Variants in MPHOSPH9 observed in about 807,000 individuals in gnomAD.
MPHOSPH9 encodes the protein M-phase phosphoprotein 9.
In MPHOSPH9, 88 loss-of-function variants were observed where a neutral mutation model predicts 145.5. That is an observed-to-expected ratio of 0.60 (90% confidence interval 0.51 to 0.72). The LOEUF (loss-of-function observed/expected upper bound fraction) is 0.72. Among genes scored for constraint, MPHOSPH9 ranks in the 30% least tolerant of loss-of-function variants. MPHOSPH9 has a pLI of 0.00. For synonymous variants in MPHOSPH9, 435 were observed against 486.2 expected, an observed-to-expected ratio of 0.89 and a Z score of 1.39; for missense variants, 1,238 against 1,386.6, an observed-to-expected ratio of 0.89 and a Z score of 1.70.
intron 13 of MPHOSPH9, among the ~76,000 whole-genome samples, chr12:123,183,176 T>G (rs1333566647): frequency 6.6e-6 from 1 of 151,662 alleles, no homozygotes; most frequent in Non-Finnish European, 1.5e-5. Context: ...AAACTAACAA[T>G]GAAGAAATTA....
intron 19 of MPHOSPH9, chr12:123,163,442 C>G (rs2044189963): frequency 4.0e-6 from 1 of 252,616 alleles, no homozygotes; most frequent in East Asian, 8.7e-5. Context: ...ATTCCTATAA[C>G]ACAATAATAA....
chr12:123,192,869 A>C (rs1428218797), intron 13 of MPHOSPH9, among the ~76,000 whole-genome samples: 2 of 151,390 alleles, frequency 1.3e-5, no homozygotes, highest in East Asian at 1.9e-4. Context: ...CAAGAGGTCA[A>C]GAAATCGAGA....
At chr12:123,160,512 A>C in intron 23 of MPHOSPH9, 1 of 385,688 alleles carries the variant, frequency 2.6e-6, no homozygotes, top group Non-Finnish European at 4.6e-6. Flanking sequence ...GCATATTGCC[A>C]TTTGCTCTCA....
In MPHOSPH9 at chr12:123,161,199, T is replaced by G; in HGVS notation, c.3318A>C (p.Ala1106=). Residue 1106 remains alanine, a synonymous_variant, in exon 22 of 24, where the codon GCA becomes GCC. Transcript: ENST00000606320. ...CTGTTTCAGCTAGGGTCCGAATTTT[T>G]GCTGTATATTCAAAATCATTCCCCT... is the stretch of plus-strand genomic sequence containing the variant. The part of the protein sequence containing the change: ...TPQGNDFEYT[A]KIRTLAETER... 6.2e-7 allele frequency: 1 copy of G among 1,614,198 alleles called. No homozygotes were observed. The highest frequency in any genetic ancestry group is 8.5e-7 in the Non-Finnish European group (1 of 1,180,036).
rs775578808 is a variant in MPHOSPH9, at chr12:123,176,629, G to T, written c.2456+59C>A. On this transcript the variant is annotated intron_variant, in intron 16 of 23. Coordinates refer to ENST00000606320, the MANE Select transcript of MPHOSPH9 (RefSeq NM_022782.4). ...TATGATTTAGACAGATGAGTTTCTCGTCTTAATAAAAGCATGCACCTATTT... is the reference window on the plus strand; with the variant it reads ...TATGATTTAGACAGATGAGTTTCTCTTCTTAATAAAAGCATGCACCTATTT... 7.9e-6 allele frequency: 10 copies of T among 1,273,574 alleles called. No homozygotes were observed. In the African/African-American group the frequency reaches 1.0e-4, roughly 13 times the overall value. 78.9% of individuals were successfully genotyped at this position (1,273,574 alleles called of 1,614,324 possible).
chr12:123,222,708 G>C (rs901505912), intron 4 of MPHOSPH9, among the ~76,000 whole-genome samples: 4 of 152,102 alleles, frequency 2.6e-5, no homozygotes, highest in African/African-American at 9.7e-5. Context: ...AGGCCGAGGT[G>C]GGTGGATCAC....
At chr12:123,238,831 C>T (rs1282904398) in intron 1 of MPHOSPH9, among the ~76,000 whole-genome samples, 2 of 152,108 alleles carry the variant, frequency 1.3e-5, no homozygotes, top group Non-Finnish European at 2.9e-5. Context: ...CTATGTGGAC[C>T]ACACTTTGGG....
In MPHOSPH9 at chr12:123,218,480, C is replaced by T; in HGVS notation, c.892G>A (p.Ala298Thr). 1 of 1,613,664 alleles carries T rather than the reference C, an allele frequency of 6.2e-7. No individual in the cohort carries two copies. Among genetic ancestry groups the T allele is most frequent in the Non-Finnish European group, 8.5e-7 (1 of 1,179,754 alleles). The change falls in exon 6 of 24, where the codon GCA becomes ACA. Residue 298 changes from alanine to threonine, a missense_variant. Physicochemically the swap from Ala to Thr is moderately conservative, Grantham distance 58 (BLOSUM62 0). Transcript: ENST00000606320. ...KTNSNAITSW[A>T]QKLKQNQPKR... ...GGTTGGTTCTGCTTCAGTTTTTGTG[C>T]CCATGATGTTATAGCATTACTATTT...
Position 123,214,735 on chromosome 12 carries a change from G to C in MPHOSPH9, c.1087+9C>G, listed in dbSNP as rs752245541. ...TAGGTTAAAAAAAATAAAAATGTAA[G>C]TATCATACCTGTTCCTGAATCAGAC... On this transcript the variant is annotated intron_variant, in intron 7 of 23. Transcript: ENST00000606320. 82 of 1,595,412 alleles carry C rather than the reference G, an allele frequency of 5.1e-5. No individual in the cohort carries two copies. The highest frequency in any genetic ancestry group is 6.8e-5 in the Non-Finnish European group (79 of 1,164,482).
At chr12:123,218,089 T>C (rs2047045587) in intron 6 of MPHOSPH9, among the ~76,000 whole-genome samples, 1 of 150,102 alleles carries the variant, frequency 6.7e-6, no homozygotes, top group Non-Finnish European at 1.5e-5. Flanking sequence ...CACACGACTG[T>C]ACCACCATGT....
At chr12:123,175,588 T>C (rs2044815613) in intron 16 of MPHOSPH9, among the ~76,000 whole-genome samples, 1 of 152,076 alleles carries the variant, frequency 6.6e-6, no homozygotes, top group African/African-American at 2.4e-5. Flanking sequence ...TGCTAAGCTC[T>C]TTCCTACCTG....
intron 16 of MPHOSPH9, among the ~76,000 whole-genome samples, chr12:123,175,460 A>G (rs1400249526): frequency 1.3e-5 from 2 of 152,110 alleles, no homozygotes; most frequent in Admixed American, 6.6e-5. Context: ...GCCAAGATCC[A>G]ACTCTTGATC....
At chr12:123,170,069 T>A (rs2044507123) in intron 16 of MPHOSPH9, among the ~76,000 whole-genome samples, 1 of 149,734 alleles carries the variant, frequency 6.7e-6, no homozygotes, top group Non-Finnish European at 1.5e-5. Context: ...CCTCGACCCC[T>A]CAGGCTCAAG....
At chr12:123,218,294 C>A in intron 6 of MPHOSPH9, 82 bp downstream of exon 6, 1 of 1,536,732 alleles carries the variant, frequency 6.5e-7, no homozygotes. Flanking sequence ...AGAAAGGGCA[C>A]AAGAGTTTTG....
intron 16 of MPHOSPH9, among the ~76,000 whole-genome samples, chr12:123,175,207 G>A (rs2044787707): frequency 6.6e-6 from 1 of 151,414 alleles, no homozygotes; most frequent in South Asian, 2.1e-4. Flanking sequence ...CTGGAGTGCA[G>A]TGGCGCAATC....
At chr12:123,169,236 C>T (rs1311503064) in intron 16 of MPHOSPH9, among the ~76,000 whole-genome samples, 1 of 148,984 alleles carries the variant, frequency 6.7e-6, no homozygotes, top group Non-Finnish European at 1.5e-5. Context: ...TGGCTCATGC[C>T]TATAATCCTA....
At chr12:123,206,737 C>T (rs1285618748) in intron 8 of MPHOSPH9, among the ~76,000 whole-genome samples, 1 of 150,692 alleles carries the variant, frequency 6.6e-6, no homozygotes, top group Non-Finnish European at 1.5e-5. Context: ...CATGGTGGAA[C>T]CTCGTCTCTA....
chr12:123,170,564 G>A (rs1160184072), intron 16 of MPHOSPH9, among the ~76,000 whole-genome samples: 4 of 152,148 alleles, frequency 2.6e-5, no homozygotes, highest in African/African-American at 9.6e-5. Context: ...TTATAGACGT[G>A]AGCCACCACA....
intron 4 of MPHOSPH9, 61 bp downstream of exon 4, chr12:123,222,977 T>C: frequency 1.3e-6 from 1 of 772,388 alleles, no homozygotes; most frequent in South Asian, 1.7e-5. Flanking sequence ...TGTGTGTGTG[T>C]GTGTATATGT....
Sources: allele counts gnomAD v4.1 joint callset (sites outside exome capture counted in the v4.1 genomes callset), GRCh38; gene constraint gnomAD v4.1.1; transcripts MANE v1.5; gene names NCBI Gene and HGNC (gene_info 2026-07-23, HGNC 2026-07-21).